NASP: variants seen among roughly 807,000 people sequenced by gnomAD.
The protein encoded by NASP is NASP histone chaperone.
A neutral mutation model predicts 89.5 loss-of-function variants in NASP; 24 were observed. The observed-to-expected ratio is 0.27, with a 90% CI of 0.19 to 0.38. The LOEUF is 0.38. Among genes scored for constraint, NASP ranks in the 10% least tolerant of loss-of-function variants. The pLI, the probability that NASP is intolerant of heterozygous loss-of-function variation, is 1.00. For missense variants in NASP, 848 were observed against 921.4 expected, an observed-to-expected ratio of 0.92 and a Z score of 1.03; for synonymous variants, 306 against 324.7, an observed-to-expected ratio of 0.94 and a Z score of 0.62.
intron 14 of NASP, 122 bp downstream of exon 14, chr1:45,617,713 C>G (rs1644131633): frequency 5.8e-6 from 7 of 1,208,290 alleles, no homozygotes; most frequent in Non-Finnish European, 8.0e-6. Context: ...GAGTGCAGTC[C>G]TCACAGAAAA....
intron 6 of NASP, chr1:45,612,419 T>A (rs1174619071): frequency 6.6e-6 from 1 of 152,230 alleles, no homozygotes; most frequent in African/African-American, 2.4e-5. Flanking sequence ...CTTATTTTAA[T>A]CACTTAACAT....
chr1:45,597,932 G>A (rs1002120050), intron 2 of NASP, among the ~76,000 whole-genome samples: 5 of 151,980 alleles, frequency 3.3e-5, no homozygotes, highest in Admixed American at 6.6e-5. Flanking sequence ...ACTTCCCTTC[G>A]TCTATTACCT....
chr1:45,584,085 C>T lies in NASP; in HGVS notation c.-62C>T, dbSNP rs1044658386. 2.7e-6 allele frequency: 4 copies of T among 1,481,672 alleles called. No homozygotes were observed. Among genetic ancestry groups the T allele is most frequent in the East Asian group, 2.5e-5 (1 of 40,574 alleles). The allele number at this position is 1,481,672 out of a possible 1,614,324, so 91.8% of individuals were successfully genotyped here. A position where few individuals can be genotyped will look rare whatever the true frequency, so the allele number is the denominator to read the frequency against. On this transcript the variant is annotated 5_prime_UTR_variant, in exon 1 of 15. Coordinates refer to ENST00000350030, the MANE Select transcript of NASP (RefSeq NM_002482.4). The stretch of plus-strand genomic sequence containing the variant: ...GTCCCTGAGTGAGTCTCTGGCGTCC[C>T]AAATTGCCTGTTTTTCTCGCAGGCT...
At chr1:45,597,191 C>T (rs1643719961) in intron 2 of NASP, among the ~76,000 whole-genome samples, 1 of 151,464 alleles carries the variant, frequency 6.6e-6, no homozygotes, top group African/African-American at 2.4e-5. Context: ...CTTTTAATCC[C>T]AGCTACTGGG....
At chr1:45,610,527 C>T (rs1643988828) in intron 6 of NASP, 1 of 152,124 alleles carries the variant, frequency 6.6e-6, no homozygotes, top group African/African-American at 2.4e-5. Flanking sequence ...AAATTAAAAC[C>T]CTGTTTACTG....
chr1:45,617,334 G>C, intron 13 of NASP, 129 bp from the exon 14 acceptor site: 1 of 1,096,304 alleles, frequency 9.1e-7, no homozygotes, highest in Non-Finnish European at 1.3e-6. Flanking sequence ...TGGCTAGGGA[G>C]AGAGACCCTT....
Position 45,617,549 on chromosome 1 carries a change from T to C in NASP, c.2244T>C (p.Ala748=). The change falls in exon 14 of 15, where the codon GCT becomes GCC. Residue 748 remains alanine (A), a synonymous_variant. Coordinates refer to ENST00000350030, the MANE Select transcript of NASP (RefSeq NM_002482.4). ...AGGTGAACGGAGGCAGTGGGGATGC[T>C]GTCCCCAGTGGAAATGAAGTTTCGG... is the stretch of plus-strand genomic sequence containing the variant. ...EPEVNGGSGD[A]VPSGNEVSEN... 6.2e-7 allele frequency: 1 copy of C among 1,605,792 alleles called. No individual in the cohort carries two copies.
intron 5 of NASP, 157 bp from the exon 6 acceptor site, chr1:45,607,164 C>T: frequency 1.4e-6 from 1 of 738,092 alleles, no homozygotes; most frequent in South Asian, 2.0e-5. Context: ...GGGATGCTCC[C>T]TTTCCTTTTC....
chr1:45,604,537 G>T (rs962349107), intron 3 of NASP, among the ~76,000 whole-genome samples: 1 of 152,170 alleles, frequency 6.6e-6, no homozygotes, highest in Non-Finnish European at 1.5e-5. Context: ...CCAGTTAGAA[G>T]AACTCCAGAT....
intron 5 of NASP, 115 bp downstream of exon 5, chr1:45,606,706 G>A: frequency 1.6e-6 from 1 of 621,832 alleles, no homozygotes. Context: ...TGCTTGGGGT[G>A]ATGATGCCTG....
chr1:45,596,069 C>T (rs1643687717), intron 2 of NASP, among the ~76,000 whole-genome samples: 1 of 152,184 alleles, frequency 6.6e-6, no homozygotes, highest in South Asian at 2.1e-4. Flanking sequence ...TACAGTGAGC[C>T]TGTCACTTTA....
intron 11 of NASP, chr1:45,615,819 T>C (rs754807021): frequency 9.1e-6 from 2 of 220,268 alleles, no homozygotes; most frequent in Non-Finnish European, 1.8e-5. Flanking sequence ...TACTCAACAG[T>C]TGGATACCCT....
At chr1:45,604,087 T>A (rs1033365335) in intron 3 of NASP, among the ~76,000 whole-genome samples, 1 of 152,204 alleles carries the variant, frequency 6.6e-6, no homozygotes, top group Non-Finnish European at 1.5e-5. Context: ...AGATGTCTTA[T>A]TCTAATCTAG....
At chr1:45,594,787 T>G (rs1335634330) in intron 2 of NASP, 1 of 438,562 alleles carries the variant, frequency 2.3e-6, no homozygotes. Flanking sequence ...TGAGCCACTA[T>G]GCTTGGCATA....
rs1176543875 is a variant in NASP, at chr1:45,618,877, T to TA, written c.*739dup. On this transcript the variant is annotated 3_prime_UTR_variant, in exon 15 of 15. Coordinates refer to ENST00000350030, the MANE Select transcript of NASP (RefSeq NM_002482.4). ...CCATCTGCAGAATTGACTTCTCAAA[T>TA]AAAGATGCTAAAAATCTCCTTGTCT... 7 of 152,114 alleles carry TA rather than the reference T, an allele frequency of 4.6e-5. No homozygotes were observed. Among genetic ancestry groups the TA allele is most frequent in the Non-Finnish European group, 8.8e-5 (6 of 68,026 alleles). 9.4% of individuals were successfully genotyped at this position (152,114 alleles called of 1,614,324 possible).
chr1:45,607,340 G>T lies in NASP; in HGVS notation c.429G>T (p.Leu143Phe). The change falls in exon 6 of 15, where the codon TTG (leucine) becomes TTT (phenylalanine). Residue 143 changes from leucine to phenylalanine, a missense_variant. Physicochemically the swap from Leu to Phe is conservative, Grantham distance 22. Coordinates refer to ENST00000350030, the MANE Select transcript of NASP (RefSeq NM_002482.4). ...DNIDEEAREE[L>F]REQVYDAMGE... ...ATGTAGAGGAAGCAAGGGAAGAGTT[G>T]AGAGAACAGGTTTATGACGCCATGG... 1 of 1,614,012 alleles carries T rather than the reference G, an allele frequency of 6.2e-7. No homozygotes were observed. The highest frequency in any genetic ancestry group is 8.5e-7 in the Non-Finnish European group (1 of 1,179,930).
At chr1:45,603,675 T>C (rs1463308259) in intron 3 of NASP, among the ~76,000 whole-genome samples, 2 of 148,216 alleles carry the variant, frequency 1.3e-5, no homozygotes, top group South Asian at 2.1e-4. Flanking sequence ...GATGGCGCGA[T>C]GTCAGCTCAC....
intron 13 of NASP, chr1:45,617,243 C>T (rs1412459241): frequency 2.0e-5 from 10 of 493,682 alleles, no homozygotes; most frequent in Middle Eastern, 1.1e-3. Context: ...CCCTATCTCC[C>T]TGTGCTTCCG....
At chr1:45,593,560 G>A (rs1017165630) in intron 2 of NASP, among the ~76,000 whole-genome samples, 3 of 144,842 alleles carry the variant, frequency 2.1e-5, no homozygotes, top group African/African-American at 5.1e-5. Flanking sequence ...AAAAAACTCC[G>A]AGAACAGTTT....
Sources: gnomAD v4.1 joint callset for allele counts (sites outside exome capture counted in the v4.1 genomes callset) on GRCh38, gnomAD v4.1.1 for gene constraint, MANE v1.5 for transcripts, NCBI Gene and HGNC (gene_info 2026-07-23, HGNC 2026-07-21) for gene names.